Variants in CUL2 observed in about 807,000 individuals in gnomAD.
The protein encoded by CUL2 is cullin-2.
A neutral mutation model predicts 110.2 loss-of-function variants in CUL2; 22 were observed. The observed-to-expected ratio is 0.20, with a 90% CI of 0.14 to 0.28. CUL2 has a LOEUF of 0.28. Ranked by LOEUF, CUL2 falls within the 10% of genes least tolerant of loss-of-function variation. CUL2 has a pLI of 1.00. For synonymous variants in CUL2, 279 were observed against 293.2 expected, an observed-to-expected ratio of 0.95 and a Z score of 0.49; for missense variants, 631 against 905.5, an observed-to-expected ratio of 0.70 and a Z score of 3.89.
Position 35,071,356 on chromosome 10 carries a change from A to C in CUL2, c.-22-17T>G. The C allele has an allele frequency of 6.3e-7, 1 of 1,592,406 alleles. No individual in the cohort carries two copies. The highest frequency in any genetic ancestry group is 8.6e-7 in the Non-Finnish European group (1 of 1,164,468). On this transcript the variant is annotated splice_polypyrimidine_tract_variant and intron_variant, in intron 1 of 20. Coordinates refer to ENST00000374749, the MANE Select transcript of CUL2 (RefSeq NM_003591.4). ...TGTTGAAATCTGTCAATTAAAAAAC[A>C]ATAACAATGTTAGCAATAATTCCAT...
intron 1 of CUL2, 61 bp from the exon 2 acceptor site, chr10:35,071,400 GTTGTTTTTTGT>G (rs2086674633): frequency 6.9e-7 from 1 of 1,444,428 alleles, no homozygotes; most frequent in Non-Finnish European, 9.6e-7. Flanking sequence ...TTTTTTTGTT[GTTGTTTTTTGT>G]TTGTTTGCTT....
At chr10:35,021,636 T>G (rs1260017478) in intron 17 of CUL2, among the ~76,000 whole-genome samples, 1 of 151,464 alleles carries the variant, frequency 6.6e-6, no homozygotes. Flanking sequence ...TTTTTTATTT[T>G]CATTTATTTA....
chr10:35,103,679 C>T (rs988321664), intron 1 of CUL2, among the ~76,000 whole-genome samples: 5 of 152,018 alleles, frequency 3.3e-5, no homozygotes, highest in African/African-American at 7.2e-5. Flanking sequence ...AGGCTGGTCT[C>T]GAACACCTGA....
upstream of CUL2, among the ~76,000 whole-genome samples, chr10:35,093,810 C>T (rs1382554495): frequency 1.3e-5 from 2 of 152,012 alleles, no homozygotes; most frequent in East Asian, 3.9e-4. Context: ...ATATTTCAAC[C>T]ATAGAGAACC....
chr10:35,028,325 A>G (rs1219461721), intron 16 of CUL2, among the ~76,000 whole-genome samples: 1 of 152,186 alleles, frequency 6.6e-6, no homozygotes, highest in African/African-American at 2.4e-5. Context: ...CTCCTCTATT[A>G]GTTATTACCA....
rs1345923024 is a variant in CUL2 at position 35,009,484 on chromosome 10, T to G, written c.*827A>C. ...CTAGTCTATGCTAGAATTAATGGAT[T>G]ATGCAACCGAAGAAAGACAACTTTT... On this transcript the variant is annotated 3_prime_UTR_variant, in exon 21 of 21. Transcript: ENST00000374749. 6.6e-6 allele frequency: 1 copy of G among 151,570 alleles called. No individual in the cohort carries two copies. Among genetic ancestry groups the G allele is most frequent in the Non-Finnish European group, 1.5e-5 (1 of 68,008 alleles). 9.4% of individuals were successfully genotyped at this position (151,570 alleles called of 1,614,324 possible).
At chr10:35,047,472 T>C (rs1588996182) in intron 6 of CUL2, among the ~76,000 whole-genome samples, 1 of 148,844 alleles carries the variant, frequency 6.7e-6, no homozygotes, top group Non-Finnish European at 1.5e-5. Context: ...TAGCCGGGTG[T>C]GGTGGTGCGC....
intron 15 of CUL2, 127 bp from the exon 16 acceptor site, chr10:35,029,014 G>C (rs2085403210): frequency 1.7e-6 from 1 of 583,528 alleles, no homozygotes; most frequent in Non-Finnish European, 3.0e-6. Flanking sequence ...TGAAATCTGA[G>C]TATTTCTATC....
intron 9 of CUL2, among the ~76,000 whole-genome samples, chr10:35,035,852 A>T (rs1392854214): frequency 2.0e-5 from 3 of 152,256 alleles, no homozygotes; most frequent in Non-Finnish European, 4.4e-5. Context: ...AGCTGCCAAC[A>T]GCAGAGAGTT....
At chr10:35,115,452 C>T (rs551506654) in intron 1 of CUL2, among the ~76,000 whole-genome samples, 5 of 152,096 alleles carry the variant, frequency 3.3e-5, no homozygotes, top group African/African-American at 1.2e-4. Context: ...CCCAGCTACT[C>T]GGGAGGCTGA....
chr10:35,125,975 G>T (rs1000960541), intron 1 of CUL2, among the ~76,000 whole-genome samples: 4 of 152,086 alleles, frequency 2.6e-5, no homozygotes, highest in Non-Finnish European at 5.9e-5. Context: ...GACTACAGGC[G>T]TCTGCCACCA....
intron 2 of CUL2, among the ~76,000 whole-genome samples, chr10:35,064,851 A>C (rs971333325): frequency 1.3e-5 from 2 of 152,174 alleles, no homozygotes; most frequent in African/African-American, 4.8e-5. Flanking sequence ...TATCCACTGC[A>C]TGTAAATGTA....
At chr10:35,067,405 A>G (rs2086560311) in intron 2 of CUL2, among the ~76,000 whole-genome samples, 1 of 152,182 alleles carries the variant, frequency 6.6e-6, no homozygotes, top group African/African-American at 2.4e-5. Context: ...AAAGTAAACT[A>G]GAACAGGGCC....
At chr10:35,013,855 A>G (rs939978185) in intron 18 of CUL2, 55 bp from the exon 19 acceptor site, 3 of 1,204,610 alleles carry the variant, frequency 2.5e-6, no homozygotes, top group African/African-American at 3.1e-5. Flanking sequence ...TTTAAATAAG[A>G]GTTTGCTGCA....
chr10:35,036,664 T>G (rs2085629311), intron 9 of CUL2, among the ~76,000 whole-genome samples: 1 of 152,218 alleles, frequency 6.6e-6, no homozygotes, highest in Admixed American at 6.5e-5. Flanking sequence ...TTTGAGCATT[T>G]TATATTTTGG....
rs199703931 is a variant in CUL2, at chr10:35,061,004, C to T, written c.223-36G>A. 2.6e-4 allele frequency: 405 copies of T among 1,572,262 alleles called. 1 individual carries two copies. The highest frequency in any genetic ancestry group is 3.1e-4 in the Non-Finnish European group (360 of 1,156,220). On this transcript the variant is annotated intron_variant, in intron 3 of 20. Coordinates refer to ENST00000374749, the MANE Select transcript of CUL2 (RefSeq NM_003591.4). ...AGGAAAAATATTTTTACTTGAAAAG[C>T]AATAATCATTTTCACTGTCAACAAT... is the stretch of plus-strand genomic sequence containing the variant.
chr10:35,011,523 C>G (rs1189777625), intron 20 of CUL2, among the ~76,000 whole-genome samples: 1 of 152,052 alleles, frequency 6.6e-6, no homozygotes, highest in Admixed American at 6.6e-5. Flanking sequence ...GAGGCTGAGG[C>G]AGGAGACTCA....
chr10:35,108,017 T>TGCA (rs2087482929), intron 1 of CUL2, among the ~76,000 whole-genome samples: 1 of 152,138 alleles, frequency 6.6e-6, no homozygotes, highest in Admixed American at 6.6e-5. Context: ...TCATTGCAAT[T>TGCA]ATTTAGGCAA....
chr10:35,012,212 T>C (rs567673098), intron 19 of CUL2, among the ~76,000 whole-genome samples: 9 of 152,104 alleles, frequency 5.9e-5, no homozygotes, highest in African/African-American at 1.4e-4. Context: ...CACCACAATA[T>C]TGAGCAAATT....
Sources: gnomAD v4.1 joint callset for allele counts (sites outside exome capture counted in the v4.1 genomes callset) on GRCh38, gnomAD v4.1.1 for gene constraint, MANE v1.5 for transcripts, NCBI Gene and HGNC (gene_info 2026-07-23, HGNC 2026-07-21) for gene names.